AGBL3: variants seen among roughly 807,000 people sequenced by gnomAD.
The protein encoded by AGBL3 is AGBL carboxypeptidase 3.
In AGBL3, 68 loss-of-function variants were observed where a neutral mutation model predicts 94.5. The observed-to-expected ratio is 0.72, with a 90% confidence interval of 0.59 to 0.88. The LOEUF (loss-of-function observed/expected upper bound fraction) is 0.88, where lower values mean the gene tolerates loss of function less well. Ranked by LOEUF, AGBL3 falls within the 40% of genes least tolerant of loss-of-function variation. The pLI, the probability that AGBL3 is intolerant of heterozygous loss-of-function variation, is 0.00. For synonymous variants in AGBL3, 354 were observed against 370.7 expected, an observed-to-expected ratio of 0.95 and a Z score of 0.52; for missense variants, 934 against 1,103.8, an observed-to-expected ratio of 0.85 and a Z score of 2.18.
chr7:135,048,904 T>C (rs1817622061), intron 11 of AGBL3, among the ~76,000 whole-genome samples: 1 of 151,846 alleles, frequency 6.6e-6, no homozygotes. Flanking sequence ...GGACTTCCAG[T>C]ATTATGTTGA....
chr7:135,003,357 C>T (rs932465734), intron 4 of AGBL3, among the ~76,000 whole-genome samples: 3 of 152,036 alleles, frequency 2.0e-5, no homozygotes, highest in African/African-American at 4.8e-5. Flanking sequence ...GCATGAAACT[C>T]TATTACTATA....
At chr7:134,996,170 TG>T (rs995382083) in intron 4 of AGBL3, among the ~76,000 whole-genome samples, 10 of 152,172 alleles carry the variant, frequency 6.6e-5, no homozygotes, top group Non-Finnish European at 1.3e-4. Flanking sequence ...TGGCAAGCAT[TG>T]GGGCCCAGGT....
At chr7:134,998,989 A>G (rs1454652548) in intron 4 of AGBL3, among the ~76,000 whole-genome samples, 4 of 152,146 alleles carry the variant, frequency 2.6e-5, no homozygotes, top group Admixed American at 2.0e-4. Context: ...ATGAAGGTAT[A>G]TATGTCAGCC....
chr7:135,066,428 A>T (rs2116738121), intron 12 of AGBL3, among the ~76,000 whole-genome samples: 1 of 152,356 alleles, frequency 6.6e-6, no homozygotes, highest in Non-Finnish European at 1.5e-5. Flanking sequence ...CCACAATGAG[A>T]TATCATCTCA....
Position 135,053,625 on chromosome 7 carries a change from CAAAA to C in AGBL3, c.1842-5543_1842-5540del, listed in dbSNP as rs1448452426. Among the ~76,000 whole-genome samples the C allele has an allele frequency of 7.2e-5, 11 of 151,996 alleles. No individual in the cohort carries two copies. The South Asian group carries it at 1.0e-3, about 14-fold the overall frequency. On this transcript the variant is annotated intron_variant, in intron 11 of 16. Coordinates refer to ENST00000436302, the MANE Select transcript of AGBL3 (RefSeq NM_178563.4). Reference sequence around the variant, plus strand: ...TCCGTCTCAAAAAAACAAAACAAAACAAAACAAAACACACAAAGGATTCAGCCAA... The same window carrying C: ...TCCGTCTCAAAAAAACAAAACAAAACCAAAACACACAAAGGATTCAGCCAA...
chr7:135,072,255 C>A (rs1819988944), intron 12 of AGBL3, among the ~76,000 whole-genome samples: 1 of 152,116 alleles, frequency 6.6e-6, no homozygotes, highest in African/African-American at 2.4e-5. Context: ...ATTAAAAAGT[C>A]AGGAAACAAC....
At chr7:135,024,205 C>T (rs76110434) in intron 5 of AGBL3, among the ~76,000 whole-genome samples, 20,619 of 152,148 alleles carry the variant, frequency 0.14, 1,952 homozygotes, top group South Asian at 0.31. Context: ...TTGGAGGGGA[C>T]TCCTACAAGG....
chr7:135,076,456 C>T lies in AGBL3; in HGVS notation c.1968C>T (p.Ala656=). The T allele has an allele frequency of 1.9e-6, 3 of 1,548,014 alleles. No homozygotes were observed. Among genetic ancestry groups the T allele is most frequent in the Non-Finnish European group, 2.6e-6 (3 of 1,144,196 alleles). Residue 656 remains alanine (A), a synonymous_variant, in exon 13 of 17, where the codon GCC becomes GCT. Transcript: ENST00000436302. ...CTACCATAGCAAGCCACCAAAATGC[C>T]AGAGGACAAGAGGTAAATCTTCATT... The part of the protein sequence containing the change: ...RNSTIASHQN[A]RGQEVYDRGH...
chr7:135,043,139 A>T (rs1817028004), intron 8 of AGBL3, among the ~76,000 whole-genome samples: 1 of 152,208 alleles, frequency 6.6e-6, no homozygotes, highest in Non-Finnish European at 1.5e-5. Context: ...TAACTTTTTT[A>T]AAAGTATAAA....
At chr7:135,129,384 A>G in intron 16 of AGBL3, 1 of 849,288 alleles carries the variant, frequency 1.2e-6, no homozygotes, top group Middle Eastern at 3.1e-4. Context: ...GGCCAATAAA[A>G]GACTTTTGGA....
chr7:135,032,778 C>A, intron 5 of AGBL3, 66 bp from the exon 6 acceptor site: 1 of 1,416,210 alleles, frequency 7.1e-7, no homozygotes, highest in South Asian at 1.6e-5. Context: ...GCTCCAAACT[C>A]TGTGCAGAAT....
rs1414500187 is a variant in AGBL3 at position 135,069,878 on chromosome 7, C to T, written c.1909-6519C>T. 1.1e-4 allele frequency among the ~76,000 whole-genome samples: 16 copies of T among 152,076 alleles called. 1 individual carries two copies. In the South Asian group the frequency reaches 1.5e-3, roughly 14 times the overall value. On this transcript the variant is annotated intron_variant, in intron 12 of 16. Transcript: ENST00000436302. ...AGGCAAGAAATAACTAAGATCAGAG[C>T]AGAACTGAAGGAAATAGAGGCACAA...
At chr7:135,080,858 A>ATG (rs930731707) in intron 14 of AGBL3, among the ~76,000 whole-genome samples, 96 of 140,422 alleles carry the variant, frequency 6.8e-4, no homozygotes, top group African/African-American at 1.8e-3. Context: ...CTAATTTTTT[A>ATG]TGTGTGTGTG....
At chr7:135,064,693 G>A (rs1470902981) in intron 12 of AGBL3, among the ~76,000 whole-genome samples, 1 of 152,180 alleles carries the variant, frequency 6.6e-6, no homozygotes, top group Non-Finnish European at 1.5e-5. Flanking sequence ...TGGGACCTGA[G>A]CATCTGGAGA....
intron 5 of AGBL3, among the ~76,000 whole-genome samples, chr7:135,024,074 G>C (rs1814816233): frequency 2.0e-5 from 3 of 152,138 alleles, no homozygotes; most frequent in Non-Finnish European, 2.9e-5. Context: ...GCAAGCTCAT[G>C]GGCCAACAAA....
chr7:135,085,279 T>C (rs1821245555), intron 15 of AGBL3, among the ~76,000 whole-genome samples: 1 of 152,188 alleles, frequency 6.6e-6, no homozygotes, highest in South Asian at 2.1e-4. Context: ...GCAAATGTTT[T>C]CTCCCATTCT....
At chr7:135,014,220 A>G (rs886602319) in intron 4 of AGBL3, among the ~76,000 whole-genome samples, 1 of 103,430 alleles carries the variant, frequency 9.7e-6, no homozygotes, top group Non-Finnish European at 2.2e-5. Flanking sequence ...AAAAAAAAAA[A>G]AAAAAAACCC....
intron 12 of AGBL3, among the ~76,000 whole-genome samples, chr7:135,069,960 A>G (rs1819723136): frequency 6.6e-6 from 1 of 152,218 alleles, no homozygotes; most frequent in Non-Finnish European, 1.5e-5. Flanking sequence ...AACATCAACA[A>G]AATTGATAGA....
intron 4 of AGBL3, among the ~76,000 whole-genome samples, chr7:135,013,921 G>A (rs1813452567): frequency 6.6e-6 from 1 of 152,088 alleles, no homozygotes; most frequent in South Asian, 2.1e-4. Flanking sequence ...TTGGCCGGGC[G>A]CAGTGGCTCA....
Sources: gnomAD v4.1 joint callset for allele counts (sites outside exome capture counted in the v4.1 genomes callset) on GRCh38, gnomAD v4.1.1 for gene constraint, MANE v1.5 for transcripts, NCBI Gene and HGNC (gene_info 2026-07-23, HGNC 2026-07-21) for gene names.